CNIH1: variants seen among roughly 807,000 people sequenced by gnomAD.
The protein encoded by CNIH1 is cornichon family member 1, also known as protein cornichon homolog 1.
A neutral mutation model predicts 20.2 loss-of-function variants in CNIH1; 12 were observed. The observed-to-expected ratio is 0.59, with a 90% CI of 0.38 to 0.96. CNIH1 has a LOEUF of 0.96. CNIH1 is among the 40% of genes least tolerant of loss of function. CNIH1 has a pLI of 0.00. For synonymous variants in CNIH1, 69 were observed against 63.3 expected (o/e 1.09, Z -0.43); for missense variants, 152 against 178.8 (o/e 0.85, Z 0.85).
intron 1 of CNIH1, among the ~76,000 whole-genome samples, chr14:54,438,639 T>C (rs1016181074): frequency 6.6e-6 from 1 of 152,248 alleles, no homozygotes; most frequent in African/African-American, 2.4e-5. Context: ...ATAAAAAACA[T>C]TCTCTAATAC....
chr14:54,436,880 T>C (rs2140005911), intron 1 of CNIH1: 1 of 398,176 alleles, frequency 2.5e-6, no homozygotes, highest in South Asian at 1.8e-5. Flanking sequence ...CCACACAGCA[T>C]GGGACTCTAT....
At position 54,426,512 on chromosome 14, in the gene CNIH1, T is replaced by C. The variant is rs2030829409; in HGVS notation, c.*1302A>G. The C allele has an allele frequency of 6.6e-6, 1 of 152,144 alleles. No individual in the cohort carries two copies. Among genetic ancestry groups the C allele is most frequent in the Non-Finnish European group, 1.5e-5 (1 of 68,008 alleles). 9.4% of individuals were successfully genotyped at this position (152,144 alleles called of 1,614,324 possible). A position where few individuals can be genotyped will look rare whatever the true frequency, so the allele number is the denominator to read the frequency against. On this transcript the variant is annotated 3_prime_UTR_variant, in exon 5 of 5. Transcript: ENST00000216416. ...TATTTTATTTTCAACTGCCTTAACT[T>C]CCTCATCCCAAATAAAGCACAAGAT...
intron 1 of CNIH1, chr14:54,436,648 T>C (rs1399459500): frequency 1.7e-6 from 1 of 572,338 alleles, no homozygotes; most frequent in Non-Finnish European, 3.1e-6. Flanking sequence ...TCACTAAAAT[T>C]TGGTATTACT....
intron 2 of CNIH1, chr14:54,435,942 T>G: frequency 1.7e-6 from 1 of 590,258 alleles, no homozygotes. Flanking sequence ...GCATAAAATA[T>G]GAAATTTCAT....
chr14:54,428,736 C>T (rs758414159), intron 4 of CNIH1, among the ~76,000 whole-genome samples: 17 of 152,188 alleles, frequency 1.1e-4, no homozygotes, highest in Non-Finnish European at 2.1e-4. Context: ...ATTAAAGTGA[C>T]ACATAGAATT....
intron 1 of CNIH1, among the ~76,000 whole-genome samples, chr14:54,439,564 T>C (rs1490518967): frequency 6.6e-6 from 1 of 151,182 alleles, no homozygotes. Flanking sequence ...TTTTTTTTGT[T>C]TTTTTTTTGA....
At chr14:54,439,393 T>G (rs2031120855) in intron 1 of CNIH1, among the ~76,000 whole-genome samples, 2 of 152,160 alleles carry the variant, frequency 1.3e-5, no homozygotes, top group South Asian at 4.2e-4. Flanking sequence ...CAGGTTTTCC[T>G]TAAGCCAAAC....
At chr14:54,434,007 T>C (rs1025139552) in intron 2 of CNIH1, among the ~76,000 whole-genome samples, 2 of 152,070 alleles carry the variant, frequency 1.3e-5, no homozygotes, top group Non-Finnish European at 2.9e-5. Flanking sequence ...ACAAAAATTA[T>C]TCAATTTAGG....
At chr14:54,432,002 G>T in intron 3 of CNIH1, 106 bp downstream of exon 3, 1 of 500,942 alleles carries the variant, frequency 2.0e-6, no homozygotes, top group Non-Finnish European at 3.3e-6. Flanking sequence ...AATGCCAACT[G>T]ATCTTCCATT....
At position 54,436,444 on chromosome 14, in the gene CNIH1, TA is replaced by T; in HGVS notation, c.82-8del. ...GCTCATCAAATGCTATAATCTAAAATAAAATTAAAACAGTTAGGACCACTCA... is the reference window on the plus strand; with the variant it reads ...GCTCATCAAATGCTATAATCTAAAATAAATTAAAACAGTTAGGACCACTCA... On this transcript the variant is annotated splice_polypyrimidine_tract_variant and splice_region_variant and intron_variant, in intron 1 of 4. Coordinates refer to ENST00000216416, the MANE Select transcript of CNIH1 (RefSeq NM_005776.3). The T allele has an allele frequency of 6.6e-7, 1 of 1,519,152 alleles. No homozygotes were observed. Among genetic ancestry groups the T allele is most frequent in the Non-Finnish European group, 9.1e-7 (1 of 1,096,260 alleles). The allele number at this position is 1,519,152 out of a possible 1,614,324, so 94.1% of individuals were successfully genotyped here. A position where few individuals can be genotyped will look rare whatever the true frequency, so the allele number is the denominator to read the frequency against.
intron 1 of CNIH1, among the ~76,000 whole-genome samples, chr14:54,439,386 GT>G (rs2140008129): frequency 6.6e-6 from 1 of 151,890 alleles, no homozygotes; most frequent in East Asian, 1.9e-4. Flanking sequence ...TGCGGTTCAG[GT>G]TTTCCTTAAG....
chr14:54,435,007 T>G (rs1274943883), intron 2 of CNIH1, among the ~76,000 whole-genome samples: 1 of 152,270 alleles, frequency 6.6e-6, no homozygotes, highest in Non-Finnish European at 1.5e-5. Flanking sequence ...ACTAACTTTC[T>G]AGATGCTTTT....
intron 1 of CNIH1, chr14:54,436,641 C>A (rs527615412): frequency 1.9e-5 from 11 of 577,034 alleles, no homozygotes; most frequent in African/African-American, 1.9e-4. Context: ...CTCAGTATCA[C>A]TAAAATTTGG....
chr14:54,437,745 A>G (rs1018769954), intron 1 of CNIH1, among the ~76,000 whole-genome samples: 10 of 152,098 alleles, frequency 6.6e-5, no homozygotes, highest in African/African-American at 2.4e-4. Flanking sequence ...CACAAATGTT[A>G]AAAACATACA....
chr14:54,439,552 CTTTTTTTT>C (rs534454023), intron 1 of CNIH1, among the ~76,000 whole-genome samples: 1 of 146,716 alleles, frequency 6.8e-6, no homozygotes, highest in Non-Finnish European at 1.5e-5. Context: ...TTCTTTCTTT[CTTTTTTTT>C]TGTTTTTTTT....
intron 1 of CNIH1, among the ~76,000 whole-genome samples, chr14:54,436,942 G>A (rs1439211594): frequency 6.6e-6 from 1 of 152,118 alleles, no homozygotes; most frequent in Admixed American, 6.5e-5. Context: ...TTACACACAG[G>A]TCTGTCTGCC....
intron 1 of CNIH1, among the ~76,000 whole-genome samples, chr14:54,437,367 A>G (rs956878208): frequency 3.1e-4 from 47 of 152,240 alleles, no homozygotes; most frequent in African/African-American, 1.0e-3. Context: ...ATCAGTAATC[A>G]GTAAAGTTAC....
At chr14:54,431,710 T>C (rs2030947732) in intron 3 of CNIH1, among the ~76,000 whole-genome samples, 1 of 152,168 alleles carries the variant, frequency 6.6e-6, no homozygotes, top group Non-Finnish European at 1.5e-5. Flanking sequence ...AAAGCTAATC[T>C]AAGTTGATAG....
intron 3 of CNIH1, among the ~76,000 whole-genome samples, chr14:54,431,002 T>A (rs1231267662): frequency 6.6e-6 from 1 of 152,090 alleles, no homozygotes; most frequent in Non-Finnish European, 1.5e-5. Context: ...TAGCTAATTT[T>A]TTTTGTAGAG....
Sources: gnomAD v4.1 joint callset for allele counts (sites outside exome capture counted in the v4.1 genomes callset) on GRCh38, gnomAD v4.1.1 for gene constraint, MANE v1.5 for transcripts, NCBI Gene and HGNC (gene_info 2026-07-23, HGNC 2026-07-21) for gene names.